The following TOX2 variants were observed in gnomAD, a reference collection of about 807,000 sequenced individuals.
TOX2 encodes the protein TOX high mobility group box family member 2.
A neutral mutation model predicts 47.4 loss-of-function variants in TOX2; 15 were observed. That is an observed-to-expected ratio of 0.32 (90% CI 0.21 to 0.49). The LOEUF (loss-of-function observed/expected upper bound fraction) is 0.49, where lower values mean the gene tolerates loss of function less well. Ranked by LOEUF, TOX2 falls within the 20% of genes least tolerant of loss-of-function variation. TOX2 has a pLI of 0.99. For synonymous variants in TOX2, 290 were observed against 296.6 expected (o/e 0.98, Z 0.23); for missense variants, 622 against 673.1 (o/e 0.92, Z 0.84).
At chr20:43,945,929 C>G (rs756308156) in intron 1 of TOX2, 2 of 1,613,582 alleles carry the variant, frequency 1.2e-6, no homozygotes, top group South Asian at 1.1e-5. Context: ...CAGACTCGCA[C>G]AGAGGCTGTC....
At chr20:43,983,140 G>T (rs2070197758) in intron 2 of TOX2, among the ~76,000 whole-genome samples, 1 of 151,930 alleles carries the variant, frequency 6.6e-6, no homozygotes, top group African/African-American at 2.4e-5. Context: ...TGGCCCCACT[G>T]CCCCTGTAGC....
intron 3 of TOX2, among the ~76,000 whole-genome samples, chr20:44,023,997 T>C (rs749104670): frequency 5.3e-5 from 8 of 152,224 alleles, no homozygotes; most frequent in Non-Finnish European, 8.8e-5. Flanking sequence ...GGTGGCTTTT[T>C]ATAAGATAGC....
chr20:44,065,399 C>T (rs1273066442), intron 6 of TOX2, among the ~76,000 whole-genome samples: 1 of 152,158 alleles, frequency 6.6e-6, no homozygotes, highest in Non-Finnish European at 1.5e-5. Context: ...AAAACATCTA[C>T]AAAGGCACAG....
chr20:43,998,478 A>G (rs1307851681), intron 2 of TOX2, among the ~76,000 whole-genome samples: 2 of 152,186 alleles, frequency 1.3e-5, no homozygotes, highest in Non-Finnish European at 2.9e-5. Flanking sequence ...CAGATCCTCA[A>G]TCCTCACTCA....
intron 7 of TOX2, 143 bp from the exon 8 acceptor site, chr20:44,066,587 C>A: frequency 1.6e-6 from 2 of 1,288,004 alleles, no homozygotes; most frequent in Non-Finnish European, 1.1e-6. Context: ...AGGTGCTCTA[C>A]TGGGAGCAAG....
chr20:43,927,683 T>TCCTCC (rs2069193573), intron 1 of TOX2, among the ~76,000 whole-genome samples: 2 of 90,714 alleles, frequency 2.2e-5, no homozygotes, highest in African/African-American at 7.2e-5. Context: ...CTTTCTTCCT[T>TCCTCC]CCTTCCCTTC....
At chr20:43,942,975 C>T (rs1323553885) in intron 1 of TOX2, among the ~76,000 whole-genome samples, 3 of 152,178 alleles carry the variant, frequency 2.0e-5, no homozygotes, top group Admixed American at 6.5e-5. Flanking sequence ...GGGGCCACAG[C>T]GATGGGACCC....
chr20:44,053,076 G>A (rs558593374), intron 4 of TOX2, among the ~76,000 whole-genome samples: 2 of 152,196 alleles, frequency 1.3e-5, no homozygotes, highest in Non-Finnish European at 2.9e-5. Flanking sequence ...GGCTCCTAGA[G>A]CCAGAGTCTT....
intron 5 of TOX2, among the ~76,000 whole-genome samples, chr20:44,060,285 TAGAC>T (rs556250987): frequency 4.6e-4 from 70 of 151,980 alleles, no homozygotes; most frequent in African/African-American, 1.6e-3. Flanking sequence ...ATGAGAAAGA[TAGAC>T]AGTAAAACAA....
In TOX2 at chr20:43,916,228, C is replaced by G; in HGVS notation, c.99+1238C>G. On this transcript the variant is annotated intron_variant, in intron 1 of 8. Coordinates refer to ENST00000341197, the MANE Select transcript of TOX2 (RefSeq NM_001098797.2). This position sits in a 1 kb window ranked among gnomAD's most constrained non-coding sequence, Gnocchi z 5.0. ...TGCGGGGTGAGTGCGCGTCCAGTGGCTGGATCGGCGCCCCCCAGGGTCTCT... is the reference window on the plus strand; with the variant it reads ...TGCGGGGTGAGTGCGCGTCCAGTGGGTGGATCGGCGCCCCCCAGGGTCTCT... 1.0e-6 allele frequency: 1 copy of G among 985,556 alleles called. No homozygotes were observed. The highest frequency in any genetic ancestry group is 1.7e-5 in the African/African-American group (1 of 57,380). The allele number at this position is 985,556 out of a possible 1,614,324, so 61.1% of individuals were successfully genotyped here.
rs1600656005 is a variant in TOX2, at chr20:43,930,092, C to G, written c.99+15102C>G. Among the ~76,000 whole-genome samples, 3 of 152,206 alleles carry G rather than the reference C, an allele frequency of 2.0e-5. No individual in the cohort carries two copies. The South Asian group carries it at 6.2e-4, about 32-fold the overall frequency. On this transcript the variant is annotated intron_variant, in intron 1 of 8. Transcript: ENST00000341197. ...CTTCAGGATAATAAACTTTAAGAAG[C>G]AATAGGCTCATGCTTATTTTGTTTA...
At chr20:44,057,204 A>G (rs1360443109) in intron 5 of TOX2, among the ~76,000 whole-genome samples, 1 of 152,198 alleles carries the variant, frequency 6.6e-6, no homozygotes, top group Non-Finnish European at 1.5e-5. Flanking sequence ...TAGAGGCATG[A>G]GCCACTATAT....
chr20:44,054,638 A>T (rs1288645911), intron 5 of TOX2, 112 bp downstream of exon 5: 1 of 1,194,750 alleles, frequency 8.4e-7, no homozygotes, highest in East Asian at 2.5e-5. Context: ...AGACTCTTAC[A>T]GAGGTCTTTC....
intron 1 of TOX2, among the ~76,000 whole-genome samples, chr20:43,955,669 G>T (rs1019158913): frequency 1.3e-5 from 2 of 152,162 alleles, no homozygotes; most frequent in Non-Finnish European, 2.9e-5. Flanking sequence ...GACTCTCAAG[G>T]CCGTATTCTG....
At chr20:43,955,148 G>A (rs2069646225) in intron 1 of TOX2, 1 of 607,584 alleles carries the variant, frequency 1.6e-6, no homozygotes. Flanking sequence ...TCCATTGCAG[G>A]TGTTGCCTGA....
intron 2 of TOX2, among the ~76,000 whole-genome samples, chr20:44,003,090 T>C (rs763421873): frequency 2.6e-5 from 4 of 151,918 alleles, no homozygotes; most frequent in Non-Finnish European, 5.9e-5. Flanking sequence ...TCCTGCGTGA[T>C]AGGGACAGTA....
intron 2 of TOX2, 101 bp downstream of exon 2, chr20:43,973,533 C>A: frequency 2.1e-6 from 2 of 931,566 alleles, no homozygotes; most frequent in Non-Finnish European, 3.4e-6. Flanking sequence ...GGGGCCAGCA[C>A]AGCCCGCTGC....
Position 44,051,365 on chromosome 20 carries a change from G to A in TOX2, c.471G>A (p.Leu157=), listed in dbSNP as rs1352149957. 11 of 1,613,814 alleles carry A rather than the reference G, an allele frequency of 6.8e-6. No homozygotes were observed. The highest frequency in any genetic ancestry group is 9.3e-6 in the Non-Finnish European group (11 of 1,179,926). ...AAYDSGRPGP[L]LGRPAMLASH... is the part of the protein sequence containing the mutation. The stretch of plus-strand genomic sequence containing the variant: ...ATGACTCGGGCCGGCCCGGGCCCCT[G>A]CTGGGTCGCCCGGCAATGCTGGCCA... Residue 157 remains leucine (L), a synonymous_variant, in exon 4 of 9, where the codon CTG becomes CTA. Transcript: ENST00000341197.
chr20:43,933,985 C>A (rs2145327927), intron 1 of TOX2, among the ~76,000 whole-genome samples: 1 of 152,002 alleles, frequency 6.6e-6, no homozygotes, highest in East Asian at 1.9e-4. Context: ...GCCGCCTCTC[C>A]TTTCTGGGAG....
Sources: gnomAD v4.1 joint callset for allele counts (sites outside exome capture counted in the v4.1 genomes callset) on GRCh38, gnomAD v4.1.1 for gene constraint, Gnocchi (gnomAD v3.1) non-coding constraint, MANE v1.5 for transcripts, NCBI Gene and HGNC (gene_info 2026-07-23, HGNC 2026-07-21) for gene names.